Variants in CHN2 observed in about 807,000 individuals in gnomAD.
CHN2 encodes chimerin 2.
Under a neutral mutation model 56.3 loss-of-function variants are expected in CHN2, and 35 were observed. That is an observed-to-expected ratio of 0.62 (90% CI 0.47 to 0.82). The LOEUF is 0.82. Among genes scored for constraint, CHN2 ranks in the 40% least tolerant of loss-of-function variants. The probability of loss-of-function intolerance (pLI) is 0.00; values close to 1 mark genes in which losing one functional copy is unlikely to be tolerated. For synonymous variants in CHN2, 210 were observed against 212.8 expected, an observed-to-expected ratio of 0.99 and a Z score of 0.12; for missense variants, 491 against 580.5, an observed-to-expected ratio of 0.85 and a Z score of 1.58.
At chr7:29,478,609 G>A (rs1306978662) in intron 6 of CHN2, among the ~76,000 whole-genome samples, 1 of 152,190 alleles carries the variant, frequency 6.6e-6, no homozygotes, top group Admixed American at 6.5e-5. Context: ...TTGTGTTCTA[G>A]CCCTGGTTCT....
intron 1 of CHN2, among the ~76,000 whole-genome samples, chr7:29,278,345 T>C (rs1791396998): frequency 6.6e-6 from 1 of 152,058 alleles, no homozygotes; most frequent in Non-Finnish European, 1.5e-5. Flanking sequence ...TTGCAGACCA[T>C]ATGGTCTCTG....
chr7:29,210,347 A>G (rs1216433238), intron 1 of CHN2, among the ~76,000 whole-genome samples: 1 of 152,110 alleles, frequency 6.6e-6, no homozygotes, highest in Non-Finnish European at 1.5e-5. Flanking sequence ...AGTATGCTCC[A>G]AGGCGGTATC....
At chr7:29,157,809 G>A (rs1223003186) in intron 2 of CHN2, among the ~76,000 whole-genome samples, 11 of 150,978 alleles carry the variant, frequency 7.3e-5, no homozygotes, top group Non-Finnish European at 1.6e-4. Context: ...TGTCACAGAG[G>A]TTTCAAAGAG....
At chr7:29,267,325 C>A (rs533041024) in intron 1 of CHN2, among the ~76,000 whole-genome samples, 1 of 151,930 alleles carries the variant, frequency 6.6e-6, no homozygotes, top group Admixed American at 6.6e-5. Context: ...TCACTGCAAC[C>A]TCTGCCTCCT....
chr7:29,415,512 A>G (rs894257859), intron 6 of CHN2, among the ~76,000 whole-genome samples: 1 of 152,238 alleles, frequency 6.6e-6, no homozygotes, highest in Non-Finnish European at 1.5e-5. Context: ...AAAAACAAAA[A>G]CAAAACAGGC....
At chr7:29,220,013 T>G (rs1280862850) in intron 1 of CHN2, among the ~76,000 whole-genome samples, 4 of 151,976 alleles carry the variant, frequency 2.6e-5, no homozygotes, top group Non-Finnish European at 5.9e-5. Context: ...AGGCGGAGGT[T>G]GCAGTGAGCT....
intron 6 of CHN2, among the ~76,000 whole-genome samples, chr7:29,448,507 A>G (rs916964753): frequency 1.3e-5 from 2 of 151,982 alleles, no homozygotes; most frequent in Non-Finnish European, 2.9e-5. Flanking sequence ...TTCACCAGCT[A>G]CCCCACCCCA....
At chr7:29,195,629 A>AGAGAGAGAGAGAGAGAGAGTGT (rs869037854) in intron 1 of CHN2, among the ~76,000 whole-genome samples, 43 of 117,554 alleles carry the variant, frequency 3.7e-4, no homozygotes, top group East Asian at 2.7e-3. Context: ...AGAGAGAGAG[A>AGAGAGAGAGAGAGAGAGAGTGT]GTGTGTGTGT....
intron 2 of CHN2, among the ~76,000 whole-genome samples, chr7:29,163,574 A>G (rs1296982542): frequency 6.6e-6 from 1 of 152,150 alleles, no homozygotes; most frequent in Non-Finnish European, 1.5e-5. Flanking sequence ...TTAAGGTATA[A>G]CTGGCATACA....
intron 6 of CHN2, among the ~76,000 whole-genome samples, chr7:29,406,161 G>A (rs1395387671): frequency 6.6e-6 from 1 of 152,182 alleles, no homozygotes; most frequent in East Asian, 1.9e-4. Flanking sequence ...CAGGAAATTT[G>A]CAGCCTGTTT....
At position 29,285,725 on chromosome 7, in the gene CHN2, G is replaced by C. The variant is rs536717235; in HGVS notation, c.50-68900G>C. Among the ~76,000 whole-genome samples, 4 of 152,242 alleles carry C rather than the reference G, an allele frequency of 2.6e-5. No homozygotes were observed. The South Asian group carries it at 8.3e-4, about 32-fold the overall frequency. On this transcript the variant is annotated intron_variant, in intron 1 of 12. Coordinates refer to ENST00000222792, the MANE Select transcript of CHN2 (RefSeq NM_004067.4). The stretch of plus-strand genomic sequence containing the variant: ...ATTCATCACCATTGTGTCTCATCAG[G>C]GATCTGGTGCATATCTTGGATGATC...
intron 1 of CHN2, chr7:29,200,618 C>T (rs1202212185): frequency 6.6e-6 from 1 of 151,858 alleles, no homozygotes; most frequent in Non-Finnish European, 1.5e-5. Context: ...CTTTTCCTTC[C>T]CTTTGGCCCA....
chr7:29,321,067 G>A (rs751599472), intron 1 of CHN2, among the ~76,000 whole-genome samples: 1 of 152,154 alleles, frequency 6.6e-6, no homozygotes, highest in Non-Finnish European at 1.5e-5. Context: ...TTTACAAAAC[G>A]GTCTAGGGAA....
chr7:29,458,086 G>A (rs1438549048), intron 6 of CHN2, among the ~76,000 whole-genome samples: 1 of 152,036 alleles, frequency 6.6e-6, no homozygotes, highest in Non-Finnish European at 1.5e-5. Flanking sequence ...TTAACTCCAT[G>A]CCCCTGTTAT....
chr7:29,207,161 G>A lies in CHN2; in HGVS notation c.49+12171G>A, dbSNP rs575393445. Among the ~76,000 whole-genome samples the A allele has an allele frequency of 2.2e-4, 34 of 152,302 alleles. 1 individual carries two copies. The highest frequency in any genetic ancestry group is 8.2e-4 in the African/African-American group (34 of 41,548). On this transcript the variant is annotated intron_variant, in intron 1 of 12. Transcript: ENST00000222792. ...TTAAGAAAGCATAGAAATTGATATT[G>A]TAAGAAAGAGAAGGTGAATCAGTCA...
rs2287044 is a variant in CHN2, at chr7:29,509,438, C to G, written c.1235+32C>G. On this transcript the variant is annotated intron_variant, in intron 12 of 12. Transcript: ENST00000222792. ...TCATGTCTCGTGCACAAAGCCTGCT[C>G]TGCTCCTAGAGCGGTTAATGCATGA... is the stretch of plus-strand genomic sequence containing the variant. 1,538 of 1,546,984 alleles carry G rather than the reference C, an allele frequency of 9.9e-4. 34 individuals are homozygous for G. In the East Asian group the frequency reaches 0.027, roughly 28 times the overall value.
intron 1 of CHN2, among the ~76,000 whole-genome samples, chr7:29,255,215 C>T (rs1262214265): frequency 6.6e-6 from 1 of 152,192 alleles, no homozygotes; most frequent in Non-Finnish European, 1.5e-5. Context: ...TTCTGCATTT[C>T]CCTTTGCCTG....
At chr7:29,290,422 A>G (rs1017145662) in intron 1 of CHN2, among the ~76,000 whole-genome samples, 1 of 152,190 alleles carries the variant, frequency 6.6e-6, no homozygotes, top group African/African-American at 2.4e-5. Flanking sequence ...TCTGAAGAAT[A>G]TAGTCAGCCT....
intron 3 of CHN2, among the ~76,000 whole-genome samples, chr7:29,383,738 G>T (rs1800705657): frequency 6.6e-6 from 1 of 152,172 alleles, no homozygotes; most frequent in Non-Finnish European, 1.5e-5. Flanking sequence ...AAGGAGGGTG[G>T]TCTGGGAAGG....
Sources: gnomAD v4.1 joint callset for allele counts (sites outside exome capture counted in the v4.1 genomes callset) on GRCh38, gnomAD v4.1.1 for gene constraint, MANE v1.5 for transcripts, NCBI Gene and HGNC (gene_info 2026-07-23, HGNC 2026-07-21) for gene names.